The following THADA variants were observed in gnomAD, a reference collection of about 807,000 sequenced individuals.
The protein encoded by THADA is tRNA (32-2'-O)-methyltransferase regulator THADA.
THADA carries 213 observed loss-of-function variants against 219.8 expected under a neutral mutation model. The ratio of observed to expected loss-of-function variants is 0.97; its 90% CI spans 0.87 to 1.09. The LOEUF is 1.09. Ranked by LOEUF, THADA falls within the 50% of genes least tolerant of loss-of-function variation. THADA has a pLI of 0.00. For synonymous variants in THADA, 1,018 were observed against 828.9 expected (o/e 1.23, Z -3.92); for missense variants, 2,956 against 2,311.3 (o/e 1.28, Z -5.72).
At chr2:43,438,658 A>G (rs1680451737) in intron 26 of THADA, among the ~76,000 whole-genome samples, 1 of 152,056 alleles carries the variant, frequency 6.6e-6, no homozygotes, top group African/African-American at 2.4e-5. Flanking sequence ...TACAATAAAC[A>G]CTTTGGATCT....
intron 26 of THADA, among the ~76,000 whole-genome samples, chr2:43,479,101 C>T (rs1012220118): frequency 6.6e-6 from 1 of 152,124 alleles, no homozygotes; most frequent in Non-Finnish European, 1.5e-5. Context: ...AACACTAGAG[C>T]TCTTAACTTA....
chr2:43,321,869 T>C (rs1212950533), intron 30 of THADA, among the ~76,000 whole-genome samples: 1 of 152,190 alleles, frequency 6.6e-6, no homozygotes, highest in Non-Finnish European at 1.5e-5. Context: ...GGCATTGATA[T>C]TGGCACAAGT....
chr2:43,381,721 G>C (rs1382384350), intron 29 of THADA, among the ~76,000 whole-genome samples: 1 of 152,018 alleles, frequency 6.6e-6, no homozygotes, highest in African/African-American at 2.4e-5. Context: ...TGAGATTACA[G>C]GTGTGTGCCA....
intron 4 of THADA, among the ~76,000 whole-genome samples, chr2:43,589,728 G>GTA (rs1337595721): frequency 1.3e-5 from 2 of 152,108 alleles, no homozygotes; most frequent in Non-Finnish European, 2.9e-5. Flanking sequence ...AAATTGTTGG[G>GTA]TACAGTATAC....
chr2:43,414,948 G>C (rs1371413232), intron 28 of THADA, among the ~76,000 whole-genome samples: 1 of 152,162 alleles, frequency 6.6e-6, no homozygotes, highest in Non-Finnish European at 1.5e-5. Flanking sequence ...CCAGAAAGGA[G>C]AGGTGAATGG....
intron 28 of THADA, among the ~76,000 whole-genome samples, chr2:43,411,156 G>A (rs1676247809): frequency 6.6e-6 from 1 of 152,156 alleles, no homozygotes. Flanking sequence ...TCTTTCACAT[G>A]TTCTAGACAG....
At chr2:43,269,798 T>A (rs1671927796) in intron 36 of THADA, among the ~76,000 whole-genome samples, 1 of 152,222 alleles carries the variant, frequency 6.6e-6, no homozygotes, top group East Asian at 1.9e-4. Context: ...CTCTTCTGTT[T>A]CCTCCCCTGC....
At chr2:43,447,409 C>T (rs1681719055) in intron 26 of THADA, among the ~76,000 whole-genome samples, 1 of 152,100 alleles carries the variant, frequency 6.6e-6, no homozygotes, top group African/African-American at 2.4e-5. Context: ...TTCATTAGGG[C>T]CCACCCAGCT....
chr2:43,501,306 CCAAAAAAAAAAAAA>C (rs1244717342), intron 24 of THADA, among the ~76,000 whole-genome samples: 3 of 12,280 alleles, frequency 2.4e-4, no homozygotes, highest in African/African-American at 8.2e-4. Context: ...AACTCCAACT[CCAAAAAAAAAAAAA>C]AAAAAAAAAA....
chr2:43,468,368 A>C (rs1684512277), intron 26 of THADA, among the ~76,000 whole-genome samples: 1 of 152,236 alleles, frequency 6.6e-6, no homozygotes, highest in Non-Finnish European at 1.5e-5. Context: ...TATATGGAAA[A>C]GTGAAATCCG....
At chr2:43,248,228 G>C (rs1211949183) in intron 36 of THADA, among the ~76,000 whole-genome samples, 11 of 144,038 alleles carry the variant, frequency 7.6e-5, no homozygotes, top group Non-Finnish European at 3.0e-5. Context: ...GAGAGAGAGA[G>C]AGACAGAGAG....
Position 43,574,813 on chromosome 2 carries a change from G to A in THADA, c.1252C>T (p.Leu418Phe). ...ACAGTGAGCCGGTGCATTTGGAGAA[G>A]GTTTTTGAACATGATTTTGGTTTGG... ...RHQTKIMFKNLLQMHRLTVEG... is the reference protein window; with the variant it reads ...RHQTKIMFKNFLQMHRLTVEG... The change falls in exon 11 of 38, where the codon CTT becomes TTT. Residue 418 changes from leucine (L) to phenylalanine (F), a missense_variant. Physicochemically the swap from Leu to Phe is conservative, Grantham distance 22 (BLOSUM62 0). Coordinates refer to ENST00000405975, the MANE Select transcript of THADA (RefSeq NM_022065.5). 2 of 1,614,030 alleles carry A rather than the reference G, an allele frequency of 1.2e-6. No individual in the cohort carries two copies. Among genetic ancestry groups the A allele is most frequent in the South Asian group, 1.1e-5 (1 of 91,088 alleles).
At chr2:43,427,496 C>T (rs1205588863) in intron 28 of THADA, among the ~76,000 whole-genome samples, 3 of 76,426 alleles carry the variant, frequency 3.9e-5, no homozygotes, top group African/African-American at 1.5e-4. Flanking sequence ...AAGACCCCTC[C>T]CAAAGTTTGT....
chr2:43,287,790 A>C (rs1372284741), intron 34 of THADA, among the ~76,000 whole-genome samples: 1 of 152,178 alleles, frequency 6.6e-6, no homozygotes, highest in Non-Finnish European at 1.5e-5. Flanking sequence ...TAGAGACTAC[A>C]TGTCCCAGTC....
chr2:43,490,621 C>CCT (rs1372383689), intron 25 of THADA, among the ~76,000 whole-genome samples: 1 of 152,086 alleles, frequency 6.6e-6, no homozygotes, highest in Non-Finnish European at 1.5e-5. Context: ...TTACAATGGT[C>CCT]CTCCCTCATT....
At chr2:43,464,954 G>C (rs1684058691) in intron 26 of THADA, among the ~76,000 whole-genome samples, 1 of 152,030 alleles carries the variant, frequency 6.6e-6, no homozygotes, top group Non-Finnish European at 1.5e-5. Context: ...GACAAGAACA[G>C]GGGGAAAAAA....
At chr2:43,300,296 A>C (rs1445664599) in intron 31 of THADA, among the ~76,000 whole-genome samples, 2 of 151,006 alleles carry the variant, frequency 1.3e-5, no homozygotes, top group Non-Finnish European at 3.0e-5. Flanking sequence ...CCACCGTGCC[A>C]GAACAAAAAT....
chr2:43,385,888 T>C (rs1376840036), intron 29 of THADA, among the ~76,000 whole-genome samples: 2 of 151,000 alleles, frequency 1.3e-5, no homozygotes, highest in Non-Finnish European at 1.5e-5. Context: ...AAAAAAAAAC[T>C]CCAAACAAAT....
At chr2:43,484,830 G>T (rs1180484277) in intron 26 of THADA, among the ~76,000 whole-genome samples, 1 of 151,082 alleles carries the variant, frequency 6.6e-6, no homozygotes, top group South Asian at 2.1e-4. Flanking sequence ...CTAATGAGAG[G>T]ATCATAAACA....
Sources: allele counts gnomAD v4.1 joint callset (sites outside exome capture counted in the v4.1 genomes callset), GRCh38; gene constraint gnomAD v4.1.1; transcripts MANE v1.5; gene names NCBI Gene and HGNC (gene_info 2026-07-23, HGNC 2026-07-21).